Variants in RBFOX1 observed in about 807,000 individuals in gnomAD.
RBFOX1 encodes the protein RNA binding fox-1 homolog 1.
Under a neutral mutation model 57.7 loss-of-function variants are expected in RBFOX1, and 8 were observed. The ratio of observed to expected loss-of-function variants is 0.14; its 90% CI spans 0.08 to 0.25. The LOEUF is 0.25. RBFOX1 is among the 10% of genes least tolerant of loss of function. The pLI, the probability that RBFOX1 is intolerant of heterozygous loss-of-function variation, is 1.00. For synonymous variants in RBFOX1, 326 were observed against 222.4 expected (o/e 1.47, Z -4.15); for missense variants, 611 against 548.5 (o/e 1.11, Z -1.14).
chr16:5,662,022 G>A (rs980268955), intron 3 of RBFOX1, among the ~76,000 whole-genome samples: 5 of 152,126 alleles, frequency 3.3e-5, no homozygotes, highest in Admixed American at 1.3e-4. Flanking sequence ...TCCTGACGTC[G>A]TAATCCACTC....
intron 3 of RBFOX1, among the ~76,000 whole-genome samples, chr16:7,012,951 G>A (rs2093722099): frequency 6.6e-6 from 1 of 152,078 alleles, no homozygotes; most frequent in Admixed American, 6.6e-5. Flanking sequence ...TTTGTGGTTG[G>A]CAGATGGCCA....
chr16:7,068,996 G>A (rs4407078), intron 4 of RBFOX1, among the ~76,000 whole-genome samples: 1 of 151,970 alleles, frequency 6.6e-6, no homozygotes, highest in South Asian at 2.1e-4. Context: ...AGAAGCATTT[G>A]TATGTGTCAC....
chr16:6,174,135 C>T (rs1007289923), intron 1 of RBFOX1, among the ~76,000 whole-genome samples: 5 of 152,142 alleles, frequency 3.3e-5, no homozygotes, highest in African/African-American at 1.2e-4. Context: ...ACTTGGTTTG[C>T]ACTTCTATGA....
intron 3 of RBFOX1, among the ~76,000 whole-genome samples, chr16:6,696,557 C>T (rs943039424): frequency 2.0e-5 from 3 of 152,044 alleles, no homozygotes; most frequent in African/African-American, 7.2e-5. Context: ...AGGTTTAATT[C>T]GAGTAATTTA....
intron 4 of RBFOX1, among the ~76,000 whole-genome samples, chr16:7,165,345 A>G (rs748886734): frequency 2.7e-5 from 4 of 150,150 alleles, no homozygotes; most frequent in Admixed American, 6.6e-5. Context: ...GGGTGAAAAA[A>G]TGGACTTAAT....
intron 3 of RBFOX1, chr16:6,775,636 C>G (rs922461212): frequency 6.6e-6 from 1 of 152,166 alleles, no homozygotes; most frequent in African/African-American, 2.4e-5. Flanking sequence ...CTCTCTCTGT[C>G]CCCTTACAGA....
chr16:6,658,944 T>G (rs200698660), intron 3 of RBFOX1, among the ~76,000 whole-genome samples: 1 of 136,046 alleles, frequency 7.4e-6, no homozygotes, highest in Admixed American at 7.4e-5. Context: ...TTGTTTTTTT[T>G]GTTTTTTTTT....
rs115940444 is a variant in RBFOX1 at position 6,410,601 on chromosome 16, G to A, written c.-64+93544G>A. 9.0e-3 allele frequency among the ~76,000 whole-genome samples: 1,372 copies of A among 152,010 alleles called. 20 individuals are homozygous for A. The highest frequency in any genetic ancestry group is 0.03 in the African/African-American group (1,251 of 41,506). On this transcript the variant is annotated intron_variant, in intron 2 of 15. Coordinates refer to ENST00000550418, the MANE Select transcript of RBFOX1 (RefSeq NM_018723.4). ...GCTGGGATTACAGGTGTGAGCCACC[G>A]CGCACCTTCTATTTGAGGCCCTGCG...
intron 4 of RBFOX1, among the ~76,000 whole-genome samples, chr16:7,460,213 A>G (rs977957955): frequency 1.3e-5 from 2 of 151,558 alleles, no homozygotes; most frequent in African/African-American, 2.4e-5. Flanking sequence ...TGCTCCAGAC[A>G]TCATGTGGAA....
intron 3 of RBFOX1, among the ~76,000 whole-genome samples, chr16:5,795,736 C>G (rs2054855698): frequency 6.6e-6 from 1 of 152,198 alleles, no homozygotes; most frequent in African/African-American, 2.4e-5. Flanking sequence ...CCATTATATA[C>G]ATTCATATAT....
chr16:6,306,108 C>T (rs1047173479), intron 1 of RBFOX1, among the ~76,000 whole-genome samples: 3 of 152,200 alleles, frequency 2.0e-5, no homozygotes, highest in African/African-American at 7.2e-5. Context: ...GGGTGCAAAA[C>T]CCTCCATGTC....
At chr16:7,001,223 G>A (rs912070670) in intron 3 of RBFOX1, among the ~76,000 whole-genome samples, 1 of 152,024 alleles carries the variant, frequency 6.6e-6, no homozygotes, top group African/African-American at 2.4e-5. Context: ...AAGCTCTGTT[G>A]TTGGCCAGTG....
chr16:5,636,761 G>A (rs536503812), intron 3 of RBFOX1, among the ~76,000 whole-genome samples: 2 of 152,196 alleles, frequency 1.3e-5, no homozygotes, highest in South Asian at 2.1e-4. Context: ...GCCTTCCAGA[G>A]CTATTCTTGC....
At chr16:6,956,639 C>G (rs191425258) in intron 3 of RBFOX1, among the ~76,000 whole-genome samples, 2 of 152,308 alleles carry the variant, frequency 1.3e-5, no homozygotes, top group East Asian at 1.9e-4. Flanking sequence ...CTTCTTGTGC[C>G]TGCTATTTGT....
intron 3 of RBFOX1, among the ~76,000 whole-genome samples, chr16:6,882,671 C>T (rs137993044): frequency 6.6e-6 from 1 of 152,206 alleles, no homozygotes; most frequent in African/African-American, 2.4e-5. Flanking sequence ...GGCAGGTACC[C>T]ATTGGCTGTA....
intron 3 of RBFOX1, among the ~76,000 whole-genome samples, chr16:6,953,298 T>G (rs1264245677): frequency 6.6e-6 from 1 of 152,184 alleles, no homozygotes; most frequent in Non-Finnish European, 1.5e-5. Flanking sequence ...AGAACTACTC[T>G]GAAACAGAAG....
chr16:6,279,748 G>C (rs1367232328), intron 1 of RBFOX1, among the ~76,000 whole-genome samples: 1 of 152,096 alleles, frequency 6.6e-6, no homozygotes, highest in East Asian at 1.9e-4. Context: ...ATTTTCTTTT[G>C]CCATCAAGAT....
intron 4 of RBFOX1, among the ~76,000 whole-genome samples, chr16:5,973,216 G>A (rs376651521): frequency 9.8e-5 from 15 of 152,298 alleles, no homozygotes; most frequent in Admixed American, 3.3e-4. Context: ...AGGGATGTTC[G>A]TGAAAGAAGG....
At chr16:5,844,074 T>C (rs530392018) in intron 3 of RBFOX1, among the ~76,000 whole-genome samples, 1 of 152,268 alleles carries the variant, frequency 6.6e-6, no homozygotes, top group South Asian at 2.1e-4. Flanking sequence ...GCCTGGATGG[T>C]CTAGTGATGG....
Sources: allele counts gnomAD v4.1 joint callset (sites outside exome capture counted in the v4.1 genomes callset), GRCh38; gene constraint gnomAD v4.1.1; transcripts MANE v1.5; gene names NCBI Gene and HGNC (gene_info 2026-07-23, HGNC 2026-07-21).